Variants in SLC38A8 observed in about 807,000 individuals in gnomAD.
SLC38A8 encodes solute carrier family 38 member 8, also known as amino acid transporter SLC38A8.
In SLC38A8, 65 loss-of-function variants were observed where a neutral mutation model predicts 46.0. The observed-to-expected ratio is 1.41, with a 90% CI of 1.16 to 1.74. The LOEUF (loss-of-function observed/expected upper bound fraction) is 1.74. Among genes scored for constraint, SLC38A8 ranks in the 40% most tolerant of loss-of-function variants. The pLI is 0.00. For synonymous variants in SLC38A8, 447 were observed against 243.7 expected (o/e 1.83, Z -7.77); for missense variants, 998 against 567.9 (o/e 1.76, Z -7.70).
intron 2 of SLC38A8, 130 bp downstream of exon 2, chr16:84,041,839 A>T (rs944759341): frequency 8.8e-5 from 71 of 808,850 alleles, no homozygotes; most frequent in Admixed American, 2.6e-5. Flanking sequence ...GCTGAGCGGG[A>T]TAGAAAATAA....
intron 5 of SLC38A8, among the ~76,000 whole-genome samples, chr16:84,030,166 G>A (rs2085221130): frequency 6.6e-6 from 1 of 152,102 alleles, no homozygotes; most frequent in Non-Finnish European, 1.5e-5. Context: ...TGAAGGCCAA[G>A]ACCCAGTGAT....
At chr16:84,026,474 G>A (rs911827149) in intron 6 of SLC38A8, among the ~76,000 whole-genome samples, 3 of 152,162 alleles carry the variant, frequency 2.0e-5, no homozygotes, top group Admixed American at 6.5e-5. Context: ...TGATCCACCC[G>A]CCTCGGCCTC....
chr16:84,032,735 T>TAG (rs2085257102), intron 4 of SLC38A8, among the ~76,000 whole-genome samples: 1 of 152,210 alleles, frequency 6.6e-6, no homozygotes, highest in South Asian at 2.1e-4. Flanking sequence ...CTATTGTTCA[T>TAG]ACACAACAGG....
In SLC38A8 at chr16:84,009,862, G is replaced by C; in HGVS notation, c.1230C>G (p.Val410=). 9 of 1,613,858 alleles carry C rather than the reference G, an allele frequency of 5.6e-6. No individual in the cohort carries two copies. Among genetic ancestry groups the C allele is most frequent in the African/African-American group, 1.3e-5 (1 of 74,994 alleles). The change falls in exon 11 of 11, where the codon GTC becomes GTG. Residue 410 remains valine (V), a synonymous_variant. Transcript: ENST00000299709. The part of the protein sequence containing the change: ...IGPRVKCCLE[V]WGVVSVLVGT... ...CGACCAGCACAGAGACCACTCCCCA[G>C]ACCTCCAGGCAGCACCTGCCAAGTG...
intron 6 of SLC38A8, among the ~76,000 whole-genome samples, chr16:84,026,735 G>C (rs948364940): frequency 2.2e-4 from 33 of 152,240 alleles, no homozygotes; most frequent in African/African-American, 6.5e-4. Flanking sequence ...ACCACAGATA[G>C]GGTGGCTACA....
intron 2 of SLC38A8, chr16:84,039,817 A>T (rs1287988683): frequency 6.6e-6 from 1 of 150,690 alleles, no homozygotes; most frequent in African/African-American, 2.4e-5. Context: ...TGAGCCAGCC[A>T]TCCCTGGAGG....
At chr16:84,035,732 G>A (rs2085293120) in intron 3 of SLC38A8, among the ~76,000 whole-genome samples, 1 of 152,232 alleles carries the variant, frequency 6.6e-6, no homozygotes, top group Non-Finnish European at 1.5e-5. Flanking sequence ...CAGATTTAAT[G>A]CCAGAGATAA....
chr16:84,037,779 A>G (rs1275156395), intron 2 of SLC38A8, among the ~76,000 whole-genome samples: 2 of 148,532 alleles, frequency 1.3e-5, no homozygotes, highest in Admixed American at 6.7e-5. Flanking sequence ...AAAAGAGAAA[A>G]GAAAACATCC....
chr16:84,035,812 G>A (rs1435010066), intron 3 of SLC38A8, among the ~76,000 whole-genome samples: 3 of 152,212 alleles, frequency 2.0e-5, no homozygotes, highest in East Asian at 3.8e-4. Flanking sequence ...TGACAGAATA[G>A]GCTAATCTGC....
chr16:84,037,086 T>C (rs2085309038), intron 2 of SLC38A8, among the ~76,000 whole-genome samples, 186 bp from the exon 3 acceptor site: 1 of 152,192 alleles, frequency 6.6e-6, no homozygotes, highest in Admixed American at 6.5e-5. Context: ...CCACCTATCC[T>C]GAAATCAGAG....
chr16:84,034,819 G>A (rs565723029), intron 3 of SLC38A8, among the ~76,000 whole-genome samples: 1 of 151,998 alleles, frequency 6.6e-6, no homozygotes, highest in East Asian at 1.9e-4. Flanking sequence ...GATGGGGCAG[G>A]CCCTTTGTCT....
intron 6 of SLC38A8, among the ~76,000 whole-genome samples, chr16:84,026,769 G>A (rs984982178): frequency 4.6e-5 from 7 of 152,312 alleles, no homozygotes; most frequent in South Asian, 2.1e-4. Flanking sequence ...CCACCAACAC[G>A]GCGGGGGAGG....
At chr16:84,017,021 T>C (rs2085035981) in intron 8 of SLC38A8, 119 bp downstream of exon 8, 1 of 1,369,818 alleles carries the variant, frequency 7.3e-7, no homozygotes, top group Non-Finnish European at 9.9e-7. Context: ...TTTCCTCCTG[T>C]CTACAATTGG....
chr16:84,026,900 A>G (rs1234702196), intron 6 of SLC38A8, among the ~76,000 whole-genome samples: 2 of 152,164 alleles, frequency 1.3e-5, no homozygotes, highest in Non-Finnish European at 2.9e-5. Context: ...AGAGTGACTG[A>G]CGGCGATGGG....
chr16:84,033,334 T>C lies in SLC38A8; in HGVS notation c.524A>G (p.Tyr175Cys). 6.2e-7 allele frequency: 1 copy of C among 1,613,908 alleles called. No homozygotes were observed. Among genetic ancestry groups the C allele is most frequent in the Non-Finnish European group, 8.5e-7 (1 of 1,179,966 alleles). Reference sequence around the variant, plus strand: ...GCAGCATCCCAGCCCTTACCTTGTGTATTTCTGGAAGGCGATCTCCCGCGG... The same window carrying C: ...GCAGCATCCCAGCCCTTACCTTGTGCATTTCTGGAAGGCGATCTCCCGCGG... ...SAPREIAFQK[Y>C]TSILGTLAAC... is the part of the protein sequence containing the mutation. Residue 175 changes from tyrosine (Y) to cysteine (C), a missense_variant, in exon 4 of 11, where the codon TAC becomes TGC. Transcript: ENST00000299709.
At chr16:84,013,747 A>T (rs1337582904) in intron 9 of SLC38A8, among the ~76,000 whole-genome samples, 24 of 142,148 alleles carry the variant, frequency 1.7e-4, no homozygotes, top group South Asian at 2.2e-4. Context: ...TTTTTTTTTT[A>T]AATAGTTCTG....
At chr16:84,036,315 G>A (rs1383008685) in intron 3 of SLC38A8, among the ~76,000 whole-genome samples, 3 of 152,252 alleles carry the variant, frequency 2.0e-5, no homozygotes, top group African/African-American at 7.2e-5. Context: ...TAGAGGGAAA[G>A]TCTTAGTCGG....
intron 4 of SLC38A8, among the ~76,000 whole-genome samples, chr16:84,032,411 A>G (rs1471687116): frequency 1.3e-5 from 2 of 152,070 alleles, no homozygotes; most frequent in Non-Finnish European, 1.5e-5. Context: ...CTGGTTTTGA[A>G]CTGCTGACCT....
chr16:84,035,692 C>G (rs1184635708), intron 3 of SLC38A8, among the ~76,000 whole-genome samples: 2 of 151,918 alleles, frequency 1.3e-5, no homozygotes, highest in Non-Finnish European at 2.9e-5. Context: ...CTTAAGGATG[C>G]TAGAGTGCCT....
Sources: gnomAD v4.1 joint callset for allele counts (sites outside exome capture counted in the v4.1 genomes callset) on GRCh38, gnomAD v4.1.1 for gene constraint, MANE v1.5 for transcripts, NCBI Gene and HGNC (gene_info 2026-07-23, HGNC 2026-07-21) for gene names.